The following TSPAN9 variants were observed in gnomAD, a reference collection of about 807,000 sequenced individuals.
TSPAN9 encodes the protein tetraspanin 9.
In TSPAN9, 16 loss-of-function variants were observed where a neutral mutation model predicts 31.0. That is an observed-to-expected ratio of 0.52 (90% confidence interval 0.35 to 0.78). TSPAN9 has a LOEUF of 0.78. Ranked by LOEUF, TSPAN9 falls within the 30% of genes least tolerant of loss-of-function variation. The pLI, the probability that TSPAN9 is intolerant of heterozygous loss-of-function variation, is 0.01. For synonymous variants in TSPAN9, 145 were observed against 121.6 expected (o/e 1.19, Z -1.27); for missense variants, 272 against 312.5 (o/e 0.87, Z 0.98).
chr12:3,137,520 C>A (rs1190193740), intron 2 of TSPAN9, among the ~76,000 whole-genome samples: 3 of 151,812 alleles, frequency 2.0e-5, no homozygotes, highest in Non-Finnish European at 4.4e-5. Flanking sequence ...CACATCCATG[C>A]CAGGCCCAGA....
At chr12:3,094,471 C>T (rs1198293687) in intron 2 of TSPAN9, among the ~76,000 whole-genome samples, 1 of 152,080 alleles carries the variant, frequency 6.6e-6, no homozygotes, top group Non-Finnish European at 1.5e-5. Context: ...TTTAAAGAAA[C>T]ACCTAAGGGA....
At chr12:3,251,694 G>A (rs1862246054) in intron 3 of TSPAN9, among the ~76,000 whole-genome samples, 1 of 152,202 alleles carries the variant, frequency 6.6e-6, no homozygotes, top group South Asian at 2.1e-4. Flanking sequence ...ACAGGACGGT[G>A]GGTTCCAGCA....
intron 1 of TSPAN9, among the ~76,000 whole-genome samples, chr12:3,080,330 C>A (rs376059540): frequency 6.6e-6 from 1 of 151,832 alleles, no homozygotes; most frequent in African/African-American, 2.4e-5. Context: ...AATGTAAAAT[C>A]TTTTTTTTGT....
At chr12:3,132,065 C>G (rs1048935691) in intron 2 of TSPAN9, among the ~76,000 whole-genome samples, 1 of 152,212 alleles carries the variant, frequency 6.6e-6, no homozygotes, top group African/African-American at 2.4e-5. Flanking sequence ...AGCGTATTTT[C>G]AAGGCTCACG....
chr12:3,091,808 C>T (rs563858795), intron 2 of TSPAN9, among the ~76,000 whole-genome samples: 93 of 152,282 alleles, frequency 6.1e-4, no homozygotes, highest in South Asian at 5.4e-3. Flanking sequence ...TCCACAACTC[C>T]GCCTCTGGCC....
At chr12:3,149,743 C>T (rs756668477) in intron 2 of TSPAN9, 1 of 152,206 alleles carries the variant, frequency 6.6e-6, no homozygotes, top group Admixed American at 6.5e-5. Context: ...TTAGAGACAT[C>T]TGGGGAGCTT....
chr12:3,159,621 C>G (rs943365532), intron 2 of TSPAN9, among the ~76,000 whole-genome samples: 1 of 152,146 alleles, frequency 6.6e-6, no homozygotes, highest in African/African-American at 2.4e-5. Context: ...AATCCCAGCA[C>G]TTTGGGATGC....
intron 3 of TSPAN9, among the ~76,000 whole-genome samples, chr12:3,243,964 C>A (rs1171735660): frequency 1.3e-5 from 2 of 152,226 alleles, no homozygotes; most frequent in South Asian, 2.1e-4. Context: ...CAGGGCTTAC[C>A]CGCAGGGTCT....
In TSPAN9 at chr12:3,188,658, C is replaced by T. The variant is rs542556800; in HGVS notation, c.-17-12519C>T. On this transcript the variant is annotated intron_variant, in intron 2 of 8. Transcript: ENST00000011898. ...GGGCCGGAGCTTGGGGGATGAGTGA[C>T]GTGCAGCCACCTGGACACATTGGGC... Among the ~76,000 whole-genome samples, 8 of 152,258 alleles carry T rather than the reference C, an allele frequency of 5.3e-5. No individual in the cohort carries two copies. In the East Asian group the frequency reaches 1.2e-3, roughly 22 times the overall value.
intron 2 of TSPAN9, among the ~76,000 whole-genome samples, chr12:3,103,341 A>C (rs1205559443): frequency 6.6e-6 from 1 of 152,104 alleles, no homozygotes; most frequent in Non-Finnish European, 1.5e-5. Context: ...TATTTTACTG[A>C]GGATTCTTAT....
intron 2 of TSPAN9, among the ~76,000 whole-genome samples, chr12:3,096,580 C>T (rs2098309135): frequency 6.6e-6 from 1 of 151,930 alleles, no homozygotes; most frequent in African/African-American, 2.4e-5. Flanking sequence ...AGAGATGTGG[C>T]CCTAATCTCA....
intron 3 of TSPAN9, among the ~76,000 whole-genome samples, chr12:3,214,053 G>A (rs1033250583): frequency 2.0e-5 from 3 of 152,196 alleles, no homozygotes; most frequent in African/African-American, 7.2e-5. Context: ...TCTAGTCCCC[G>A]GCATGCTTGC....
At chr12:3,111,341 G>A (rs530162321) in intron 2 of TSPAN9, among the ~76,000 whole-genome samples, 23 of 152,278 alleles carry the variant, frequency 1.5e-4, no homozygotes, top group African/African-American at 5.5e-4. Context: ...AGAGGAAGGA[G>A]GATAGAACTT....
At chr12:3,190,508 C>G (rs934855262) in intron 2 of TSPAN9, among the ~76,000 whole-genome samples, 1 of 152,228 alleles carries the variant, frequency 6.6e-6, no homozygotes, top group African/African-American at 2.4e-5. Flanking sequence ...CACAGTGGCT[C>G]TTACTCCAGG....
intron 3 of TSPAN9, among the ~76,000 whole-genome samples, chr12:3,252,711 T>C (rs965996925): frequency 1.3e-5 from 2 of 152,222 alleles, no homozygotes; most frequent in Non-Finnish European, 2.9e-5. Flanking sequence ...GCCAAGAGCA[T>C]GGGATCTTGG....
chr12:3,128,610 C>A (rs1049462997), intron 2 of TSPAN9, among the ~76,000 whole-genome samples: 10 of 152,290 alleles, frequency 6.6e-5, no homozygotes, highest in Admixed American at 1.3e-4. Flanking sequence ...CATAGCCCCC[C>A]AAGAAATACC....
At chr12:3,198,268 C>T (rs1401983956) in intron 2 of TSPAN9, among the ~76,000 whole-genome samples, 2 of 112,778 alleles carry the variant, frequency 1.8e-5, no homozygotes, top group Non-Finnish European at 3.9e-5. Context: ...ACCACCAGCA[C>T]AGGCCACCAC....
chr12:3,109,307 A>AGAGAGAGAGAGAGT (rs560687812), intron 2 of TSPAN9, among the ~76,000 whole-genome samples: 1,489 of 143,064 alleles, frequency 0.01, 17 homozygotes, highest in South Asian at 0.037. Context: ...TGTGAGAGAG[A>AGAGAGAGAGAGAGT]GTGTGTGTGT....
At chr12:3,145,887 T>C (rs1423370840) in intron 2 of TSPAN9, among the ~76,000 whole-genome samples, 2 of 152,138 alleles carry the variant, frequency 1.3e-5, no homozygotes, top group Admixed American at 1.3e-4. Flanking sequence ...CTGTGGTGGG[T>C]TTCATTAGCA....
Sources: allele counts gnomAD v4.1 joint callset (sites outside exome capture counted in the v4.1 genomes callset), GRCh38; gene constraint gnomAD v4.1.1; transcripts MANE v1.5; gene names NCBI Gene and HGNC (gene_info 2026-07-23, HGNC 2026-07-21).